SLIT3: variants seen among roughly 807,000 people sequenced by gnomAD.
SLIT3 encodes the protein slit homolog 3 protein.
A neutral mutation model predicts 184.0 loss-of-function variants in SLIT3; 68 were observed. The ratio of observed to expected loss-of-function variants is 0.37; its 90% CI spans 0.30 to 0.45. SLIT3 has a LOEUF of 0.45. SLIT3 is among the 20% of genes least tolerant of loss of function. The probability of loss-of-function intolerance (pLI) is 1.00; values close to 1 mark genes in which losing one functional copy is unlikely to be tolerated. For missense variants in SLIT3, 1,707 were observed against 2,026.0 expected, an observed-to-expected ratio of 0.84 and a Z score of 3.02; for synonymous variants, 831 against 828.6, an observed-to-expected ratio of 1.00 and a Z score of -0.05.
chr5:169,269,821 TCTTG>T (rs1213849242), intron 1 of SLIT3, among the ~76,000 whole-genome samples: 2 of 152,228 alleles, frequency 1.3e-5, no homozygotes, highest in African/African-American at 2.4e-5. Context: ...TGAAACCATA[TCTTG>T]CTTATTATGA....
intron 18 of SLIT3, chr5:168,752,388 GTTTTTTTT>G (rs35984907): frequency 2.7e-5 from 3 of 109,756 alleles, no homozygotes; most frequent in African/African-American, 7.7e-5. Context: ...AAAGCCCCTG[GTTTTTTTT>G]TTTTTTTTTT....
chr5:168,706,006 T>C (rs1762362396), intron 26 of SLIT3, among the ~76,000 whole-genome samples: 1 of 152,232 alleles, frequency 6.6e-6, no homozygotes, highest in African/African-American at 2.4e-5. Flanking sequence ...AACTATACTA[T>C]GTATGGAATT....
intron 4 of SLIT3, among the ~76,000 whole-genome samples, chr5:169,060,996 T>G (rs1581364315): frequency 6.6e-6 from 1 of 152,122 alleles, no homozygotes; most frequent in African/African-American, 2.4e-5. Flanking sequence ...AAGCTGGGTG[T>G]TTTTGAGCAA....
At chr5:168,922,603 G>C (rs539820171) in intron 4 of SLIT3, among the ~76,000 whole-genome samples, 1 of 152,310 alleles carries the variant, frequency 6.6e-6, no homozygotes, top group Admixed American at 6.5e-5. Flanking sequence ...AAAGGGCACA[G>C]ATCAGAGCTG....
chr5:169,116,197 A>G (rs1760656385), intron 4 of SLIT3, among the ~76,000 whole-genome samples: 1 of 152,190 alleles, frequency 6.6e-6, no homozygotes. Context: ...TATTATTGCA[A>G]TAATTATTGC....
chr5:168,728,917 C>CAA, intron 20 of SLIT3, among the ~76,000 whole-genome samples: 1 of 128,930 alleles, frequency 7.8e-6, no homozygotes, highest in African/African-American at 3.0e-5. Flanking sequence ...GACTCTGTCT[C>CAA]AAAAAAAAAC....
At chr5:169,177,557 A>G (rs1763022263) in intron 4 of SLIT3, among the ~76,000 whole-genome samples, 1 of 152,198 alleles carries the variant, frequency 6.6e-6, no homozygotes, top group African/African-American at 2.4e-5. Context: ...AGCAGGGTGC[A>G]GTGACCCTGC....
At chr5:168,883,083 A>G (rs986239361) in intron 5 of SLIT3, among the ~76,000 whole-genome samples, 182 bp downstream of exon 5, 2 of 152,200 alleles carry the variant, frequency 1.3e-5, no homozygotes, top group African/African-American at 4.8e-5. Flanking sequence ...CCAGCAAAGC[A>G]CAGGTTTCTG....
At chr5:168,783,084 G>A (rs770600608) in intron 12 of SLIT3, among the ~76,000 whole-genome samples, 2 of 152,202 alleles carry the variant, frequency 1.3e-5, no homozygotes, top group African/African-American at 2.4e-5. Context: ...ATTTGTGAGA[G>A]CGTGCATGAG....
chr5:168,731,905 A>T (rs1217255740), intron 20 of SLIT3, among the ~76,000 whole-genome samples: 1 of 152,074 alleles, frequency 6.6e-6, no homozygotes. Context: ...AAGAATACCC[A>T]CTTTGACCAC....
At position 168,774,298 on chromosome 5, in the gene SLIT3, T is replaced by C. The variant is rs1444768667; in HGVS notation, c.1232A>G (p.Tyr411Cys). The part of the protein sequence containing the change: ...DLQNLNLLSL[Y>C]DNKLQTISKG... ...GCTGATGGTCTGCAGCTTGTTGTCA[T>C]ACAGGGAGAGCAAGTTGAGGTTCTG... Residue 411 changes from tyrosine to cysteine, a missense_variant, in exon 13 of 36, where the codon TAT becomes TGT. Physicochemically the swap from Tyr to Cys is radical, Grantham distance 194 (BLOSUM62 -2). This residue lies in a region of SLIT3 where 1,307 missense variants were observed against 1,511.6 expected (regional missense o/e 0.86). Transcript: ENST00000519560. 1 of 1,613,948 alleles carries C rather than the reference T, an allele frequency of 6.2e-7. No homozygotes were observed. Among genetic ancestry groups the C allele is most frequent in the Non-Finnish European group, 8.5e-7 (1 of 1,179,974 alleles).
chr5:168,993,941 A>T (rs1755419222), intron 4 of SLIT3: 1 of 152,306 alleles, frequency 6.6e-6, no homozygotes, highest in South Asian at 2.1e-4. Flanking sequence ...TTCTCACAGC[A>T]GCTGACTGAG....
At chr5:168,936,210 A>G (rs13356102) in intron 4 of SLIT3, among the ~76,000 whole-genome samples, 2,983 of 152,294 alleles carry the variant, frequency 0.02, 109 homozygotes, top group African/African-American at 0.068. Context: ...ATGCTGCACC[A>G]GCTCATTCAC....
At chr5:169,294,427 C>G (rs1767442064) in intron 1 of SLIT3, among the ~76,000 whole-genome samples, 1 of 62,946 alleles carries the variant, frequency 1.6e-5, no homozygotes, top group Admixed American at 2.2e-4. Flanking sequence ...AGAAGCCAAC[C>G]TGGGCTCTGC....
intron 15 of SLIT3, among the ~76,000 whole-genome samples, chr5:168,761,582 T>C (rs1244462427): frequency 1.3e-5 from 2 of 152,074 alleles, no homozygotes; most frequent in East Asian, 3.9e-4. Context: ...ATCTCCCCCA[T>C]TTGACAGCTA....
chr5:168,947,579 C>A (rs927633424), intron 4 of SLIT3, among the ~76,000 whole-genome samples: 9 of 152,144 alleles, frequency 5.9e-5, no homozygotes, highest in Non-Finnish European at 1.3e-4. Flanking sequence ...AGGGGCAGGG[C>A]CACCTGGGTC....
intron 4 of SLIT3, among the ~76,000 whole-genome samples, chr5:169,188,675 G>T (rs1164368077): frequency 6.6e-6 from 1 of 152,168 alleles, no homozygotes; most frequent in East Asian, 1.9e-4. Context: ...CTCATCAGCT[G>T]ACCAGCCAAG....
At chr5:168,897,900 C>G (rs921090774) in intron 4 of SLIT3, among the ~76,000 whole-genome samples, 3 of 152,130 alleles carry the variant, frequency 2.0e-5, no homozygotes, top group African/African-American at 7.2e-5. Context: ...GAGACACCCC[C>G]CCACCTTTGC....
At chr5:169,196,471 CA>C (rs1763747149) in intron 3 of SLIT3, among the ~76,000 whole-genome samples, 1 of 152,192 alleles carries the variant, frequency 6.6e-6, no homozygotes, top group South Asian at 2.1e-4. Flanking sequence ...AGCATGACAA[CA>C]GTGATGATAA....
Sources: gnomAD v4.1 joint callset for allele counts (sites outside exome capture counted in the v4.1 genomes callset) on GRCh38, gnomAD v4.1.1 for gene constraint, gnomAD v4.1.1 regional missense constraint, MANE v1.5 for transcripts, NCBI Gene and HGNC (gene_info 2026-07-23, HGNC 2026-07-21) for gene names.